SDK1: variants seen among roughly 807,000 people sequenced by gnomAD.
SDK1 encodes the protein protein sidekick-1.
A neutral mutation model predicts 245.5 loss-of-function variants in SDK1; 157 were observed. The observed-to-expected ratio is 0.64, with a 90% confidence interval of 0.56 to 0.73. The LOEUF (loss-of-function observed/expected upper bound fraction) is 0.73, where lower values mean the gene tolerates loss of function less well. Ranked by LOEUF, SDK1 falls within the 30% of genes least tolerant of loss-of-function variation. SDK1 has a pLI of 0.00. For synonymous variants in SDK1, 1,647 were observed against 1,278.5 expected, an observed-to-expected ratio of 1.29 and a Z score of -6.15; for missense variants, 3,583 against 3,002.3, an observed-to-expected ratio of 1.19 and a Z score of -4.52.
At chr7:3,369,014 T>C (rs1243310160) in intron 1 of SDK1, among the ~76,000 whole-genome samples, 2 of 152,114 alleles carry the variant, frequency 1.3e-5, no homozygotes, top group Non-Finnish European at 2.9e-5. Flanking sequence ...TCAATAATCA[T>C]GTAAATTCTT....
In SDK1 at chr7:4,174,221, G is replaced by A; in HGVS notation, c.4801-1G>A. On this transcript the variant is annotated splice_acceptor_variant, in intron 32 of 44. Coordinates refer to ENST00000404826, the MANE Select transcript of SDK1 (RefSeq NM_152744.4). LOFTEE classifies it high-confidence loss of function. ...GCTGAGTCGGTGTGATGTCTTTGCA[G>A]CCTCCGAGGGACGAAAGCCTGAATG... 2 of 1,614,022 alleles carry A rather than the reference G, an allele frequency of 1.2e-6. No homozygotes were observed. The highest frequency in any genetic ancestry group is 2.2e-5 in the South Asian group (2 of 91,078).
intron 32 of SDK1, among the ~76,000 whole-genome samples, chr7:4,170,725 G>A (rs2128216159): frequency 6.6e-6 from 1 of 152,230 alleles, no homozygotes; most frequent in Middle Eastern, 3.4e-3. Flanking sequence ...TCCACAGGGA[G>A]GAAACCGAAC....
intron 17 of SDK1, among the ~76,000 whole-genome samples, chr7:4,041,817 T>G (rs1788659782): frequency 7.4e-6 from 1 of 134,706 alleles, no homozygotes; most frequent in Admixed American, 6.9e-5. Flanking sequence ...CAGCTGCAAT[T>G]TTTTTTTTCT....
chr7:4,255,784 G>A (rs544173394), intron 44 of SDK1, among the ~76,000 whole-genome samples: 105 of 152,264 alleles, frequency 6.9e-4, no homozygotes, highest in African/African-American at 2.5e-3. Context: ...TGAGCTGGGG[G>A]AATTGGATAG....
chr7:3,937,015 G>A (rs1780186415), intron 5 of SDK1, among the ~76,000 whole-genome samples: 1 of 152,204 alleles, frequency 6.6e-6, no homozygotes, highest in Non-Finnish European at 1.5e-5. Flanking sequence ...AGCCCTGGCT[G>A]CCTGGCCATG....
intron 1 of SDK1, among the ~76,000 whole-genome samples, chr7:3,599,090 C>CTT (rs58431507): frequency 7.5e-5 from 6 of 80,522 alleles, no homozygotes; most frequent in Non-Finnish European, 1.3e-4. Context: ...ACTAATCCAC[C>CTT]TTTTTTTTTT....
chr7:4,116,877 C>A (rs1464455237), intron 25 of SDK1, among the ~76,000 whole-genome samples: 1 of 152,200 alleles, frequency 6.6e-6, no homozygotes, highest in Non-Finnish European at 1.5e-5. Context: ...GATGGAACTG[C>A]CCAAGCAGCA....
chr7:4,189,991 GA>G (rs898409403), intron 35 of SDK1, among the ~76,000 whole-genome samples: 10 of 148,170 alleles, frequency 6.7e-5, no homozygotes, highest in Admixed American at 2.7e-4. Flanking sequence ...TGGAATGAGA[GA>G]AAAAAAAAAG....
chr7:4,220,803 A>C (rs1222061392), intron 39 of SDK1, among the ~76,000 whole-genome samples: 1 of 151,156 alleles, frequency 6.6e-6, no homozygotes, highest in Non-Finnish European at 1.5e-5. Flanking sequence ...ACAGGGTCTC[A>C]CTCTGTCACC....
chr7:3,530,116 C>G (rs186144445), intron 1 of SDK1, among the ~76,000 whole-genome samples: 3 of 152,216 alleles, frequency 2.0e-5, no homozygotes, highest in African/African-American at 4.8e-5. Flanking sequence ...CTAAACCTAG[C>G]ACCAATTTAT....
intron 36 of SDK1, among the ~76,000 whole-genome samples, chr7:4,206,953 C>A (rs1369901494): frequency 6.6e-6 from 1 of 152,178 alleles, no homozygotes; most frequent in African/African-American, 2.4e-5. Context: ...AATGGAGAGC[C>A]CCATGAGCTT....
At chr7:3,721,966 C>T (rs1006478822) in intron 4 of SDK1, among the ~76,000 whole-genome samples, 2 of 152,092 alleles carry the variant, frequency 1.3e-5, no homozygotes, top group African/African-American at 4.8e-5. Context: ...CTGACAAAGT[C>T]TGTCTTTATC....
intron 5 of SDK1, among the ~76,000 whole-genome samples, chr7:3,942,802 G>A (rs939187472): frequency 2.0e-5 from 3 of 152,186 alleles, no homozygotes; most frequent in Non-Finnish European, 4.4e-5. Flanking sequence ...TGTGGCACTT[G>A]TACTACGGTT....
intron 1 of SDK1, among the ~76,000 whole-genome samples, chr7:3,466,010 TTGAA>T (rs1290998836): frequency 2.0e-5 from 3 of 152,230 alleles, no homozygotes; most frequent in Non-Finnish European, 2.9e-5. Context: ...ATGGAACCCT[TTGAA>T]TGGTGCTTCA....
intron 1 of SDK1, among the ~76,000 whole-genome samples, chr7:3,426,435 G>A (rs1164274673): frequency 6.6e-6 from 1 of 152,172 alleles, no homozygotes; most frequent in African/African-American, 2.4e-5. Context: ...TGCCACCCTA[G>A]GCAAGTCACC....
chr7:3,385,355 T>C (rs1781584262), intron 1 of SDK1, among the ~76,000 whole-genome samples: 1 of 152,106 alleles, frequency 6.6e-6, no homozygotes, highest in Non-Finnish European at 1.5e-5. Context: ...ACTTAACATT[T>C]CCATTTCATA....
In SDK1 at chr7:3,967,155, AG is replaced by A. The variant is rs879008729; in HGVS notation, c.1430-161del. Among the ~76,000 whole-genome samples the A allele has an allele frequency of 3.3e-5, 5 of 152,272 alleles. No homozygotes were observed. The South Asian group carries it at 6.2e-4, about 19-fold the overall frequency. On this transcript the variant is annotated intron_variant, in intron 9 of 44. Transcript: ENST00000404826. Reference sequence around the variant, plus strand: ...AACAAAGATCGGTAACTCCTGGGAGAGGAACAGTGGAGGGCTGCCGTCCCTC... The same window carrying A: ...AACAAAGATCGGTAACTCCTGGGAGAGAACAGTGGAGGGCTGCCGTCCCTC...
intron 4 of SDK1, among the ~76,000 whole-genome samples, chr7:3,675,833 T>C (rs1412257695): frequency 2.0e-5 from 3 of 152,216 alleles, no homozygotes; most frequent in Admixed American, 1.3e-4. Context: ...ATGTCTTCTT[T>C]TGAGAAGTAT....
Position 4,241,921 on chromosome 7 carries a change from G to A in SDK1, c.6251+8G>A, listed in dbSNP as rs1184103226. ...CAAGAAGAACGGGACCAGGTAGGCA[G>A]GCAGTGCTGTGCTGCGCCCACCTGG... On this transcript the variant is annotated splice_region_variant and intron_variant, in intron 43 of 44. Coordinates refer to ENST00000404826, the MANE Select transcript of SDK1 (RefSeq NM_152744.4). 4 of 1,612,222 alleles carry A rather than the reference G, an allele frequency of 2.5e-6. No individual in the cohort carries two copies. Among genetic ancestry groups the A allele is most frequent in the Non-Finnish European group, 3.4e-6 (4 of 1,180,008 alleles).
Sources: allele counts gnomAD v4.1 joint callset (sites outside exome capture counted in the v4.1 genomes callset), GRCh38; gene constraint gnomAD v4.1.1; transcripts MANE v1.5; gene names NCBI Gene and HGNC (gene_info 2026-07-23, HGNC 2026-07-21).